The following LRP1B variants were observed in gnomAD, a reference collection of about 807,000 sequenced individuals.
The protein encoded by LRP1B is LDL receptor related protein 1B.
Under a neutral mutation model 556.6 loss-of-function variants are expected in LRP1B, and 217 were observed. That is an observed-to-expected ratio of 0.39 (90% confidence interval 0.35 to 0.44). The LOEUF is 0.44. Ranked by LOEUF, LRP1B falls within the 20% of genes least tolerant of loss-of-function variation. The probability of loss-of-function intolerance (pLI) is 1.00; values close to 1 mark genes in which losing one functional copy is unlikely to be tolerated. For missense variants in LRP1B, 5,053 were observed against 5,620.8 expected (o/e 0.90, Z 3.23); for synonymous variants, 2,047 against 1,865.8 (o/e 1.10, Z -2.50).
chr2:140,561,793 C>T (rs187666028), intron 43 of LRP1B, among the ~76,000 whole-genome samples: 151 of 151,918 alleles, frequency 9.9e-4, no homozygotes, highest in African/African-American at 3.0e-3. Flanking sequence ...ACAGACACTA[C>T]AAGAAATAAT....
intron 3 of LRP1B, among the ~76,000 whole-genome samples, chr2:141,359,882 A>T (rs534067948): frequency 6.6e-6 from 1 of 151,970 alleles, no homozygotes; most frequent in African/African-American, 2.4e-5. Context: ...AGCAGTGAAT[A>T]CTGGTAGCCA....
intron 86 of LRP1B, among the ~76,000 whole-genome samples, chr2:140,263,626 T>C (rs2104931128): frequency 6.6e-6 from 1 of 152,198 alleles, no homozygotes; most frequent in South Asian, 2.1e-4. Context: ...CGCTTGCAGT[T>C]TCTACCTTCC....
At chr2:141,303,066 C>A (rs193173864) in intron 3 of LRP1B, among the ~76,000 whole-genome samples, 1 of 152,142 alleles carries the variant, frequency 6.6e-6, no homozygotes, top group Admixed American at 6.6e-5. Context: ...GTTCCATATT[C>A]AATTTAATAC....
chr2:141,421,304 G>C, intron 3 of LRP1B, among the ~76,000 whole-genome samples: 1 of 151,990 alleles, frequency 6.6e-6, no homozygotes, highest in East Asian at 1.9e-4. Flanking sequence ...CGAGGTGGGC[G>C]GATCACGAGG....
chr2:141,553,939 A>G (rs1026839327), intron 2 of LRP1B, among the ~76,000 whole-genome samples: 2 of 138,206 alleles, frequency 1.4e-5, no homozygotes, highest in Admixed American at 1.5e-4. Flanking sequence ...ATATAGTTAT[A>G]TATCTATATT....
chr2:142,067,645 T>C (rs1489619772), intron 1 of LRP1B, among the ~76,000 whole-genome samples: 4 of 151,576 alleles, frequency 2.6e-5, no homozygotes, highest in Non-Finnish European at 5.9e-5. Context: ...TCCTTTGCTC[T>C]TTTTTGGCCT....
At chr2:141,091,168 AAG>A (rs553998093) in intron 7 of LRP1B, among the ~76,000 whole-genome samples, 1 of 150,398 alleles carries the variant, frequency 6.6e-6, no homozygotes, top group African/African-American at 2.4e-5. Context: ...AGATCAGATA[AAG>A]AGAGAGAGAG....
intron 11 of LRP1B, 65 bp downstream of exon 11, chr2:141,048,921 G>T (rs1248538186): frequency 3.2e-6 from 4 of 1,244,204 alleles, no homozygotes; most frequent in Admixed American, 1.7e-5. Context: ...GACACACACT[G>T]GATTTATCCT....
intron 6 of LRP1B, among the ~76,000 whole-genome samples, chr2:141,225,782 T>C (rs536050121): frequency 6.6e-6 from 1 of 152,136 alleles, no homozygotes. Flanking sequence ...TCTCTCACAA[T>C]ATTGTTTAGG....
chr2:141,354,860 T>G (rs1371515972), intron 3 of LRP1B, among the ~76,000 whole-genome samples: 1 of 152,062 alleles, frequency 6.6e-6, no homozygotes, highest in Non-Finnish European at 1.5e-5. Context: ...TAATATTAAT[T>G]CTAAAGCAGA....
At chr2:141,964,662 T>G in intron 1 of LRP1B, among the ~76,000 whole-genome samples, 1 of 150,058 alleles carries the variant, frequency 6.7e-6, no homozygotes, top group Non-Finnish European at 1.5e-5. Context: ...ACCTAGGCAT[T>G]ACCATTCAGG....
intron 2 of LRP1B, among the ~76,000 whole-genome samples, chr2:141,540,968 T>C (rs758260191): frequency 1.3e-5 from 2 of 151,776 alleles, no homozygotes; most frequent in Non-Finnish European, 2.9e-5. Context: ...ACATACTATA[T>C]AGCTGCTAAA....
intron 16 of LRP1B, among the ~76,000 whole-genome samples, chr2:140,991,921 G>T (rs1266609080): frequency 6.6e-6 from 1 of 152,036 alleles, no homozygotes; most frequent in African/African-American, 2.4e-5. Flanking sequence ...ACAAGACAGA[G>T]CAGGAAGTAT....
chr2:141,760,000 G>A (rs916594381), intron 2 of LRP1B, among the ~76,000 whole-genome samples: 17 of 152,068 alleles, frequency 1.1e-4, no homozygotes, highest in Non-Finnish European at 4.4e-5. Context: ...GTGGTTGCGT[G>A]CGTCTATAAT....
intron 3 of LRP1B, among the ~76,000 whole-genome samples, chr2:141,310,439 AAACATCT>A (rs1686769456): frequency 6.6e-6 from 1 of 152,208 alleles, no homozygotes; most frequent in South Asian, 2.1e-4. Context: ...AATCTGTTTA[AAACATCT>A]AACATAGTAC....
At chr2:140,579,336 C>T (rs1227922801) in intron 43 of LRP1B, among the ~76,000 whole-genome samples, 2 of 151,390 alleles carry the variant, frequency 1.3e-5, no homozygotes, top group Non-Finnish European at 1.5e-5. Flanking sequence ...GCTAATTTCT[C>T]TGATCTGAAA....
chr2:141,015,084 A>G (rs1697863853), intron 13 of LRP1B, among the ~76,000 whole-genome samples: 2 of 152,118 alleles, frequency 1.3e-5, no homozygotes, highest in Admixed American at 6.6e-5. Context: ...TAATTAGATT[A>G]CTAAAACATG....
At chr2:141,567,514 C>T (rs1002261582) in intron 2 of LRP1B, among the ~76,000 whole-genome samples, 1 of 152,070 alleles carries the variant, frequency 6.6e-6, no homozygotes, top group Admixed American at 6.6e-5. Flanking sequence ...AGCATTCAAC[C>T]TATAATTTAC....
At chr2:141,093,918 C>T (rs9973436) in intron 7 of LRP1B, among the ~76,000 whole-genome samples, 45,642 of 151,870 alleles carry the variant, frequency 0.3, 7,226 homozygotes, top group East Asian at 0.64. Context: ...CGTTTCACCA[C>T]ATTAGCCAGG....
Sources: gnomAD v4.1 joint callset for allele counts (sites outside exome capture counted in the v4.1 genomes callset) on GRCh38, gnomAD v4.1.1 for gene constraint, MANE v1.5 for transcripts, NCBI Gene and HGNC (gene_info 2026-07-23, HGNC 2026-07-21) for gene names.